Variants in CCDC33 observed in about 807,000 individuals in gnomAD.
CCDC33 encodes the protein coiled-coil domain-containing protein 33.
In CCDC33, 94 loss-of-function variants were observed where a neutral mutation model predicts 91.9. The observed-to-expected ratio is 1.02, with a 90% CI of 0.87 to 1.21. The LOEUF is 1.21. Among genes scored for constraint, CCDC33 ranks in the 50% most tolerant of loss-of-function variants. CCDC33 has a pLI of 0.00. For missense variants in CCDC33, 940 were observed against 935.5 expected, an observed-to-expected ratio of 1.00 and a Z score of -0.06; for synonymous variants, 396 against 374.5, an observed-to-expected ratio of 1.06 and a Z score of -0.66.
At chr15:74,263,122 T>C (rs1393364793) in intron 3 of CCDC33, among the ~76,000 whole-genome samples, 2 of 152,212 alleles carry the variant, frequency 1.3e-5, no homozygotes, top group Admixed American at 6.5e-5. Flanking sequence ...TCCTGCCTAG[T>C]CCTCCCCAGG....
At position 74,335,099 on chromosome 15, in the gene CCDC33, C is replaced by G. The variant is rs2060537042; in HGVS notation, c.2139+11C>G. ...ATCATAGAACAGCCTGTGAGTGACC[C>G]CCCTGGAGTAGCTCCCAGGGGTTCA... On this transcript the variant is annotated intron_variant, in intron 18 of 18. Transcript: ENST00000398814. 1.3e-6 allele frequency: 2 copies of G among 1,597,254 alleles called. No homozygotes were observed. The highest frequency in any genetic ancestry group is 1.7e-6 in the Non-Finnish European group (2 of 1,164,614).
chr15:74,240,828 A>G, intron 1 of CCDC33, among the ~76,000 whole-genome samples: 1 of 152,140 alleles, frequency 6.6e-6, no homozygotes, highest in Non-Finnish European at 1.5e-5. Context: ...CCCAGCCTCC[A>G]GTGATTTGCC....
intron 10 of CCDC33, 115 bp from the exon 11 acceptor site, chr15:74,295,639 G>A: frequency 3.5e-6 from 3 of 865,418 alleles, no homozygotes; most frequent in Non-Finnish European, 5.4e-6. Context: ...GGCCAGCCAT[G>A]CAGGGCCTCC....
chr15:74,318,103 C>T (rs1443673882), intron 11 of CCDC33, among the ~76,000 whole-genome samples: 2 of 128,568 alleles, frequency 1.6e-5, no homozygotes, highest in Non-Finnish European at 3.3e-5. Flanking sequence ...GGGAGGACTC[C>T]TGAGGGGACA....
rs548238840 is a variant in CCDC33 at position 74,332,751 on chromosome 15, C to T, written c.1844C>T (p.Ser615Leu). ...MGENLPVELYSVLLAENAKLR... is the reference protein window; with the variant it reads ...MGENLPVELYLVLLAENAKLR... ...GAGAACCTGCCGGTTGAACTTTACT[C>T]GGTGCTGCTGGCAGAAAACGCGAAG... The change falls in exon 16 of 19, where the codon TCG becomes TTG. Residue 615 changes from serine (S) to leucine (L), a missense_variant. Ser to Leu is a moderately radical substitution (Grantham distance 145). Transcript: ENST00000398814. 3.6e-5 allele frequency: 58 copies of T among 1,614,208 alleles called. No individual in the cohort carries two copies. The highest frequency in any genetic ancestry group is 1.2e-4 in the Admixed American group (7 of 60,026).
chr15:74,272,766 C>A lies in CCDC33; in HGVS notation c.639-5C>A. On this transcript the variant is annotated splice_region_variant and splice_polypyrimidine_tract_variant and intron_variant, in intron 6 of 18. Coordinates refer to ENST00000398814, the MANE Select transcript of CCDC33 (RefSeq NM_025055.5). ...AGCACTGACCCTGTCTCCCTGCCTCCCCAGGGTCAGCCAGGCTAACAGGGA... is the reference window on the plus strand; with the variant it reads ...AGCACTGACCCTGTCTCCCTGCCTCACCAGGGTCAGCCAGGCTAACAGGGA... 1 of 1,613,894 alleles carries A rather than the reference C, an allele frequency of 6.2e-7. No individual in the cohort carries two copies.
chr15:74,274,163 G>A (rs969360731), intron 7 of CCDC33, among the ~76,000 whole-genome samples: 31 of 152,200 alleles, frequency 2.0e-4, no homozygotes, highest in Admixed American at 2.0e-3. Context: ...GGAAGGGTTG[G>A]TACAGGTTGG....
intron 10 of CCDC33, among the ~76,000 whole-genome samples, chr15:74,294,364 C>A (rs2059639300): frequency 6.6e-6 from 1 of 151,928 alleles, no homozygotes; most frequent in South Asian, 2.1e-4. Context: ...CATGAATTTC[C>A]AACAGGGCTT....
chr15:74,310,152 C>G (rs2059964576), intron 11 of CCDC33, among the ~76,000 whole-genome samples: 1 of 151,118 alleles, frequency 6.6e-6, no homozygotes, highest in Non-Finnish European at 1.5e-5. Context: ...GAGAACCTGA[C>G]TCAAACAAAA....
intron 11 of CCDC33, among the ~76,000 whole-genome samples, chr15:74,297,777 G>C (rs1294197870): frequency 6.6e-6 from 1 of 152,200 alleles, no homozygotes; most frequent in African/African-American, 2.4e-5. Context: ...CACATGGGAA[G>C]GGAAGAGAAA....
At chr15:74,262,030 G>A (rs995982288) in intron 2 of CCDC33, among the ~76,000 whole-genome samples, 5 of 149,026 alleles carry the variant, frequency 3.4e-5, no homozygotes, top group East Asian at 4.1e-4. Context: ...GCGGGGCATC[G>A]CACAGCCACT....
chr15:74,218,015 A>C lies in CCDC33; in HGVS notation c.310+434A>C, dbSNP rs576800152. 2.2e-4 allele frequency among the ~76,000 whole-genome samples: 33 copies of C among 151,690 alleles called. No individual in the cohort carries two copies. The highest frequency in any genetic ancestry group is 7.7e-4 in the African/African-American group (32 of 41,336). On this transcript the variant is annotated intron_variant, in intron 1 of 2. Coordinates refer to the CCDC33 transcript ENST00000635913. This position sits in a 1 kb window ranked among gnomAD's most constrained non-coding sequence, Gnocchi z 4.8. ...AGGGGACCTGGGCCCTGCCTTCTGG[A>C]ACTTCCAGAGCAGGTGGAGAGGAAG... is the stretch of plus-strand genomic sequence containing the variant.
upstream of CCDC33, among the ~76,000 whole-genome samples, chr15:74,214,969 T>C (rs1448734297): frequency 6.6e-6 from 1 of 152,208 alleles, no homozygotes; most frequent in Non-Finnish European, 1.5e-5. Context: ...TCGCCCAGCG[T>C]GGGCACACAA....
At chr15:74,281,962 A>G (rs1417429242) in intron 10 of CCDC33, 113 bp downstream of exon 10, 1 of 859,160 alleles carries the variant, frequency 1.2e-6, no homozygotes, top group Non-Finnish European at 1.9e-6. Context: ...TGGGACTACT[A>G]CTTTGGATAG....
chr15:74,305,008 G>A (rs1480432523), intron 11 of CCDC33, among the ~76,000 whole-genome samples: 5 of 151,530 alleles, frequency 3.3e-5, no homozygotes, highest in South Asian at 2.1e-4. Flanking sequence ...GTGCAATGGC[G>A]TGATCTCAAC....
At chr15:74,223,519 T>A in intron 2 of CCDC33, among the ~76,000 whole-genome samples, 1 of 152,012 alleles carries the variant, frequency 6.6e-6, no homozygotes, top group East Asian at 1.9e-4. Flanking sequence ...TTCCCTCAAT[T>A]ACCCTGGAGC....
chr15:74,211,147 GCACACGCACA>G (rs918579163), intron 2 of CCDC33, among the ~76,000 whole-genome samples: 4 of 41,894 alleles, frequency 9.5e-5, no homozygotes, highest in Non-Finnish European at 1.7e-4. Flanking sequence ...CACTACGCAC[GCACACGCACA>G]CACACACACA....
intron 5 of CCDC33, 31 bp downstream of exon 5, chr15:74,268,489 GT>G (rs200571979): frequency 6.7e-5 from 97 of 1,456,542 alleles, no homozygotes; most frequent in African/African-American, 4.3e-4. Flanking sequence ...TGGGGTGGTG[GT>G]GGGGGTGGGA....
intron 11 of CCDC33, among the ~76,000 whole-genome samples, chr15:74,326,626 G>C (rs2142851885): frequency 6.6e-6 from 1 of 152,366 alleles, no homozygotes; most frequent in Admixed American, 6.5e-5. Context: ...CTGATAGCTG[G>C]GTCTTGGATG....
Sources: allele counts gnomAD v4.1 joint callset (sites outside exome capture counted in the v4.1 genomes callset), GRCh38; gene constraint gnomAD v4.1.1; non-coding constraint Gnocchi (gnomAD v3.1); transcripts MANE v1.5; gene names NCBI Gene and HGNC (gene_info 2026-07-23, HGNC 2026-07-21).